Variants in BRIP1 observed in about 807,000 individuals in gnomAD.
BRIP1 encodes the protein Fanconi anemia group J protein.
Under a neutral mutation model 119.7 loss-of-function variants are expected in BRIP1, and 88 were observed. The ratio of observed to expected loss-of-function variants is 0.74; its 90% CI spans 0.62 to 0.88. The LOEUF (loss-of-function observed/expected upper bound fraction) is 0.88, where lower values mean the gene tolerates loss of function less well. Among genes scored for constraint, BRIP1 ranks in the 40% least tolerant of loss-of-function variants. The pLI, the probability that BRIP1 is intolerant of heterozygous loss-of-function variation, is 0.00. For synonymous variants in BRIP1, 443 were observed against 496.5 expected (o/e 0.89, Z 1.43); for missense variants, 1,259 against 1,455.4 (o/e 0.87, Z 2.20).
Position 61,849,237 on chromosome 17 carries a change from A to AGTG in BRIP1, c.396_398dup (p.Thr133dup), listed in dbSNP as rs1434806249. 1 of 1,613,040 alleles carries AGTG rather than the reference A, an allele frequency of 6.2e-7. No homozygotes were observed. The highest frequency in any genetic ancestry group is 8.5e-7 in the Non-Finnish European group (1 of 1,179,360). ...TCTTAGCAGATAACTTTGCAGCCAG[A>AGTG]GTGGTTTTTTCAGGGGAGTCTTATA... On this transcript the variant is annotated inframe_insertion, in exon 5 of 20. Transcript: ENST00000259008.
chr17:61,796,517 T>C lies in BRIP1; in HGVS notation c.1340+2583A>G, dbSNP rs1481766752. 6.6e-6 allele frequency among the ~76,000 whole-genome samples: 1 copy of C among 152,110 alleles called. No individual in the cohort carries two copies. Among genetic ancestry groups the C allele is most frequent in the Non-Finnish European group, 1.5e-5 (1 of 67,976 alleles). On this transcript the variant is annotated intron_variant, in intron 9 of 19. Coordinates refer to ENST00000259008, the MANE Select transcript of BRIP1 (RefSeq NM_032043.3). The surrounding 1 kb of genome is among the most constrained non-coding windows in gnomAD (Gnocchi z 4.8). ...CACCATTTATTGAAGAGACTGTCTTTCCCTCAGTGCATGTTCGTGGCACCT... is the reference window on the plus strand; with the variant it reads ...CACCATTTATTGAAGAGACTGTCTTCCCCTCAGTGCATGTTCGTGGCACCT...
In BRIP1 at chr17:61,787,395, T is replaced by TATTTATATAAAAC. The variant is rs1376452130; in HGVS notation, c.1474-2972_1474-2971insGTTTTATATAAAT. On this transcript the variant is annotated intron_variant, in intron 10 of 19. Transcript: ENST00000259008. ...ATAGTTATATACTATATATAGTATATATATTTATATAAAATATTTATATAA... is the reference window on the plus strand; with the variant it reads ...ATAGTTATATACTATATATAGTATATATTTATATAAAACATATTTATATAAAATATTTATATAA... Among the ~76,000 whole-genome samples, 4 of 134,494 alleles carry TATTTATATAAAAC rather than the reference T, an allele frequency of 3.0e-5. 1 individual carries two copies. The highest frequency in any genetic ancestry group is 6.3e-5 in the Non-Finnish European group (4 of 63,384). 88.2% of individuals were successfully genotyped at this position (134,494 alleles called of 152,430 possible).
Position 61,769,911 on chromosome 17 carries a change from A to G in BRIP1, c.2097+6490T>C, listed in dbSNP as rs1290323120. Among the ~76,000 whole-genome samples, 1 of 152,222 alleles carries G rather than the reference A, an allele frequency of 6.6e-6. No individual in the cohort carries two copies. Among genetic ancestry groups the G allele is most frequent in the Non-Finnish European group, 1.5e-5 (1 of 68,028 alleles). On this transcript the variant is annotated intron_variant, in intron 14 of 19. Transcript: ENST00000259008. The surrounding 1 kb of genome is among the most constrained non-coding windows in gnomAD (Gnocchi z 4.9). Reference sequence around the variant, plus strand: ...AACTCCTAGGGGCTGCAGTCTTGCCAGGGGGCCCACAATTTTTAAGACATT... The same window carrying G: ...AACTCCTAGGGGCTGCAGTCTTGCCGGGGGGCCCACAATTTTTAAGACATT...
Position 61,814,735 on chromosome 17 carries a change from C to T in BRIP1, c.628-5978G>A, listed in dbSNP as rs1332961457. 2.6e-5 allele frequency among the ~76,000 whole-genome samples: 4 copies of T among 151,924 alleles called. 1 individual carries two copies. Among genetic ancestry groups the T allele is most frequent in the Admixed American group, 2.0e-4 (3 of 15,242 alleles). On this transcript the variant is annotated intron_variant, in intron 6 of 19. Transcript: ENST00000259008. This position sits in a 1 kb window ranked among gnomAD's most constrained non-coding sequence, Gnocchi z 4.9. ...CTGTTAGGTATACATGCTAGAAAAA[C>T]TCTTGCACATTAAGACAGATACAAG...
At position 61,734,416 on chromosome 17, in the gene BRIP1, A is replaced by T. The variant is rs1186416627; in HGVS notation, c.2379+8597T>A. On this transcript the variant is annotated intron_variant, in intron 16 of 19. Coordinates refer to ENST00000259008, the MANE Select transcript of BRIP1 (RefSeq NM_032043.3). This position sits in a 1 kb window ranked among gnomAD's most constrained non-coding sequence, Gnocchi z 5.2. ...TTTCTTTTTAACTATTATACGATTA[A>T]GTATATCCTTATGAATGATCAGAAG... Among the ~76,000 whole-genome samples, 1 of 152,232 alleles carries T rather than the reference A, an allele frequency of 6.6e-6. No individual in the cohort carries two copies. Among genetic ancestry groups the T allele is most frequent in the Non-Finnish European group, 1.5e-5 (1 of 68,040 alleles).
Position 61,799,819 on chromosome 17 carries a change from T to C in BRIP1, c.1141-520A>G, listed in dbSNP as rs2077962982. Among the ~76,000 whole-genome samples, 3 of 152,148 alleles carry C rather than the reference T, an allele frequency of 2.0e-5. No homozygotes were observed. Among genetic ancestry groups the C allele is most frequent in the African/African-American group, 7.2e-5 (3 of 41,436 alleles). The stretch of plus-strand genomic sequence containing the variant: ...ATATATGTTTTGTTTTAATCTGTCC[T>C]GCAATCCTTCTCCAACATGGGAGTT... On this transcript the variant is annotated intron_variant, in intron 8 of 19. Transcript: ENST00000259008. The surrounding 1 kb of genome is among the most constrained non-coding windows in gnomAD (Gnocchi z 5.1).
In BRIP1 at chr17:61,720,650, C is replaced by G. The variant is rs1370544616; in HGVS notation, c.2380-4587G>C. ...CTCAGATGTGAATCATCCCTTTGTC[C>G]AGTATATCCATGCTGTACATACTAC... On this transcript the variant is annotated intron_variant, in intron 16 of 19. Coordinates refer to ENST00000259008, the MANE Select transcript of BRIP1 (RefSeq NM_032043.3). This position sits in a 1 kb window ranked among gnomAD's most constrained non-coding sequence, Gnocchi z 4.3. Among the ~76,000 whole-genome samples, 1 of 152,140 alleles carries G rather than the reference C, an allele frequency of 6.6e-6. No homozygotes were observed. The highest frequency in any genetic ancestry group is 2.4e-5 in the African/African-American group (1 of 41,426).
intron 16 of BRIP1, among the ~76,000 whole-genome samples, chr17:61,733,145 G>A (rs191570835): frequency 3.4e-4 from 51 of 152,144 alleles, no homozygotes; most frequent in African/African-American, 1.2e-3. Context: ...TCATTTTCTC[G>A]TGAATATTCA....
rs1473774098 is a variant in BRIP1 at position 61,691,741 on chromosome 17, A to C, written c.2575+1689T>G. Among the ~76,000 whole-genome samples, 2 of 152,214 alleles carry C rather than the reference A, an allele frequency of 1.3e-5. No homozygotes were observed. The highest frequency in any genetic ancestry group is 6.5e-5 in the Admixed American group (1 of 15,274). Reference sequence around the variant, plus strand: ...AACACTGGGATTACAGGCGTGAGCCACCATGCCCGGCTGCAATCTAAATTC... The same window carrying C: ...AACACTGGGATTACAGGCGTGAGCCCCCATGCCCGGCTGCAATCTAAATTC... On this transcript the variant is annotated intron_variant, in intron 18 of 19. Transcript: ENST00000259008. The surrounding 1 kb of genome is among the most constrained non-coding windows in gnomAD (Gnocchi z 5.0).
At chr17:61,854,797 T>C (rs762873039) in intron 4 of BRIP1, among the ~76,000 whole-genome samples, 4 of 150,644 alleles carry the variant, frequency 2.7e-5, no homozygotes, top group Admixed American at 1.3e-4. Flanking sequence ...AATGAAAACA[T>C]ACATCCATAC....
Position 61,770,581 on chromosome 17 carries a change from T to C in BRIP1, c.2097+5820A>G, listed in dbSNP as rs1253399073. Among the ~76,000 whole-genome samples, 2 of 152,078 alleles carry C rather than the reference T, an allele frequency of 1.3e-5. No homozygotes were observed. The highest frequency in any genetic ancestry group is 6.5e-5 in the Admixed American group (1 of 15,274). ...TAAATCTGTGTTGAGAGACATACAA[T>C]GTGTAAAGATGTAATTTTTATAATA... On this transcript the variant is annotated intron_variant, in intron 14 of 19. Coordinates refer to ENST00000259008, the MANE Select transcript of BRIP1 (RefSeq NM_032043.3). This position sits in a 1 kb window ranked among gnomAD's most constrained non-coding sequence, Gnocchi z 4.7.
chr17:61,787,781 A>T (rs560628426), intron 10 of BRIP1, among the ~76,000 whole-genome samples: 3 of 152,104 alleles, frequency 2.0e-5, no homozygotes, highest in South Asian at 4.2e-4. Context: ...AGTAGCGGGG[A>T]CTACAGGCGC....
rs2078365044 is a variant in BRIP1, at chr17:61,823,870, C to T, written c.628-15113G>A. Among the ~76,000 whole-genome samples the T allele has an allele frequency of 1.3e-5, 2 of 151,762 alleles. No individual in the cohort carries two copies. Among genetic ancestry groups the T allele is most frequent in the Non-Finnish European group, 2.9e-5 (2 of 67,954 alleles). On this transcript the variant is annotated intron_variant, in intron 6 of 19. Coordinates refer to ENST00000259008, the MANE Select transcript of BRIP1 (RefSeq NM_032043.3). This position sits in a 1 kb window ranked among gnomAD's most constrained non-coding sequence, Gnocchi z 4.8. ...TGAGACGGAGTTTCGCAGTTGTTGC[C>T]CAAAGTGATCTCAGCTCACTGCAAC...
intron 14 of BRIP1, among the ~76,000 whole-genome samples, chr17:61,749,928 G>GT (rs2077110078): frequency 6.6e-6 from 1 of 152,152 alleles, no homozygotes; most frequent in Non-Finnish European, 1.5e-5. Context: ...GTCCTAACAG[G>GT]TTTTTTAAAA....
rs2076771739 is a variant in BRIP1, at chr17:61,726,848, G to T, written c.2380-10785C>A. Among the ~76,000 whole-genome samples, 1 of 152,250 alleles carries T rather than the reference G, an allele frequency of 6.6e-6. No individual in the cohort carries two copies. Among genetic ancestry groups the T allele is most frequent in the Admixed American group, 6.5e-5 (1 of 15,302 alleles). ...AAAATATGCTAGTGGTGTAATCTATGAGAATGAGTGCATGATTGGTACCAT... is the reference window on the plus strand; with the variant it reads ...AAAATATGCTAGTGGTGTAATCTATTAGAATGAGTGCATGATTGGTACCAT... On this transcript the variant is annotated intron_variant, in intron 16 of 19. Coordinates refer to ENST00000259008, the MANE Select transcript of BRIP1 (RefSeq NM_032043.3). The surrounding 1 kb of genome is among the most constrained non-coding windows in gnomAD (Gnocchi z 6.2).
At chr17:61,707,819 C>T (rs1355855383) in intron 17 of BRIP1, among the ~76,000 whole-genome samples, 1 of 151,230 alleles carries the variant, frequency 6.6e-6, no homozygotes, top group Non-Finnish European at 1.5e-5. Context: ...TGTTTTTGTA[C>T]AGCCTCCAAT....
chr17:61,826,731 TAAA>T (rs58466965), intron 6 of BRIP1, among the ~76,000 whole-genome samples: 2,340 of 75,358 alleles, frequency 0.031, 67 homozygotes, highest in African/African-American at 0.11. Flanking sequence ...TATTAAAAAG[TAAA>T]AAAAAAAAAA....
chr17:61,727,804 A>C (rs2076788371), intron 16 of BRIP1, among the ~76,000 whole-genome samples: 1 of 151,166 alleles, frequency 6.6e-6, no homozygotes, highest in South Asian at 2.1e-4. Context: ...ATATATATAT[A>C]TAATCTTTCA....
Position 61,770,259 on chromosome 17 carries a change from T to C in BRIP1, c.2097+6142A>G, listed in dbSNP as rs554457553. Among the ~76,000 whole-genome samples the C allele has an allele frequency of 6.6e-6, 1 of 152,242 alleles. No individual in the cohort carries two copies. Among genetic ancestry groups the C allele is most frequent in the Admixed American group, 6.5e-5 (1 of 15,280 alleles). On this transcript the variant is annotated intron_variant, in intron 14 of 19. Transcript: ENST00000259008. This position sits in a 1 kb window ranked among gnomAD's most constrained non-coding sequence, Gnocchi z 4.7. ...CATAGGATTAGAAGATGCTTCCTGT[T>C]CCCCATACCTTACCACCACATCAAC...
Sources: gnomAD v4.1 joint callset for allele counts (sites outside exome capture counted in the v4.1 genomes callset) on GRCh38, gnomAD v4.1.1 for gene constraint, Gnocchi (gnomAD v3.1) non-coding constraint, MANE v1.5 for transcripts, NCBI Gene and HGNC (gene_info 2026-07-23, HGNC 2026-07-21) for gene names.